GLIS3: variants seen among roughly 807,000 people sequenced by gnomAD.
GLIS3 encodes GLIS family zinc finger 3.
In GLIS3, 53 loss-of-function variants were observed where a neutral mutation model predicts 78.6. The ratio of observed to expected loss-of-function variants is 0.67; its 90% CI spans 0.54 to 0.85. The LOEUF (loss-of-function observed/expected upper bound fraction) is 0.85. Ranked by LOEUF, GLIS3 falls within the 40% of genes least tolerant of loss-of-function variation. The pLI is 0.00. For synonymous variants in GLIS3, 684 were observed against 509.9 expected (o/e 1.34, Z -4.60); for missense variants, 1,703 against 1,231.1 (o/e 1.38, Z -5.74).
intron 2 of GLIS3, among the ~76,000 whole-genome samples, chr9:4,242,125 G>C (rs1446522021): frequency 2.0e-5 from 3 of 152,150 alleles, no homozygotes; most frequent in Admixed American, 1.3e-4. Flanking sequence ...AGGAGTCTGA[G>C]CAATAAGGGA....
intron 2 of GLIS3, among the ~76,000 whole-genome samples, chr9:4,233,094 C>T (rs981266815): frequency 2.0e-5 from 3 of 152,168 alleles, no homozygotes; most frequent in African/African-American, 2.4e-5. Flanking sequence ...TTGATACCAA[C>T]GATACAAATA....
At chr9:4,140,853 C>T (rs1311830838) in intron 2 of GLIS3, among the ~76,000 whole-genome samples, 1 of 149,682 alleles carries the variant, frequency 6.7e-6, no homozygotes, top group Non-Finnish European at 1.5e-5. Flanking sequence ...GATTGGAGTG[C>T]AGTGGCACAA....
At chr9:4,244,269 T>C (rs916285244) in intron 2 of GLIS3, among the ~76,000 whole-genome samples, 6 of 152,206 alleles carry the variant, frequency 3.9e-5, no homozygotes, top group Non-Finnish European at 5.9e-5. Flanking sequence ...GCACAGTAAA[T>C]ACACTTGGCT....
At chr9:3,983,942 T>C (rs891740160) in intron 4 of GLIS3, among the ~76,000 whole-genome samples, 17 of 151,994 alleles carry the variant, frequency 1.1e-4, no homozygotes, top group Admixed American at 1.1e-3. Flanking sequence ...TAATGAAGAG[T>C]CAAATGTTAA....
chr9:4,465,690 C>T, the GLIS3 span, among the ~76,000 whole-genome samples: 1 of 152,192 alleles, frequency 6.6e-6, no homozygotes, highest in East Asian at 1.9e-4. Flanking sequence ...TGTATCAAAA[C>T]ATCTTATGTA....
chr9:4,319,555 G>C (rs900973365), intron 2 of GLIS3, among the ~76,000 whole-genome samples: 5 of 151,742 alleles, frequency 3.3e-5, no homozygotes, highest in Non-Finnish European at 7.4e-5. Flanking sequence ...CTAGAAACAG[G>C]TTCTTCCTCT....
In GLIS3 at chr9:3,901,563, A is replaced by G. The variant is rs144399819; in HGVS notation, c.1984-2728T>C. Among the ~76,000 whole-genome samples the G allele has an allele frequency of 4.9e-3, 744 of 152,358 alleles. 3 individuals are homozygous for G. The highest frequency in any genetic ancestry group is 0.017 in the African/African-American group (710 of 41,582). On this transcript the variant is annotated intron_variant, in intron 6 of 10. Coordinates refer to ENST00000381971, the MANE Select transcript of GLIS3 (RefSeq NM_001042413.2). ...ATCAGAAAGAAAGACAAACACACACATACAACAGTAAGTTACTGTTTAGAG... is the reference window on the plus strand; with the variant it reads ...ATCAGAAAGAAAGACAAACACACACGTACAACAGTAAGTTACTGTTTAGAG...
chr9:3,908,712 T>TTTG (rs1823904574), intron 6 of GLIS3, among the ~76,000 whole-genome samples: 1 of 103,790 alleles, frequency 9.6e-6, no homozygotes, highest in Non-Finnish European at 2.2e-5. Context: ...ATTTGTTTTT[T>TTTG]TTTTTTTTTT....
chr9:4,188,511 A>C (rs1324697449), intron 2 of GLIS3, among the ~76,000 whole-genome samples: 2 of 150,766 alleles, frequency 1.3e-5, no homozygotes, highest in Non-Finnish European at 1.5e-5. Context: ...CTGGCCTCAT[A>C]AAATGAGTCA....
At chr9:4,405,347 T>A in the GLIS3 span, among the ~76,000 whole-genome samples, 1 of 135,036 alleles carries the variant, frequency 7.4e-6, no homozygotes. Context: ...AGAGCGAAAC[T>A]CCATCTTAAA....
chr9:4,466,579 T>C, the GLIS3 span, among the ~76,000 whole-genome samples: 1 of 152,208 alleles, frequency 6.6e-6, no homozygotes, highest in East Asian at 1.9e-4. Context: ...ATATAAAGGA[T>C]AATACATCAT....
At chr9:4,303,861 C>G (rs181742002), upstream of GLIS3, among the ~76,000 whole-genome samples, 2 of 152,320 alleles carry the variant, frequency 1.3e-5, no homozygotes, top group African/African-American at 4.8e-5. Flanking sequence ...TAGATAAATA[C>G]AATATTCCGC....
At chr9:4,167,159 G>A (rs111754819) in intron 2 of GLIS3, among the ~76,000 whole-genome samples, 1 of 152,140 alleles carries the variant, frequency 6.6e-6, no homozygotes, top group African/African-American at 2.4e-5. Flanking sequence ...ATCCAAAGAG[G>A]ATAAGGGAGT....
At chr9:4,174,415 C>T (rs1421801880) in intron 2 of GLIS3, among the ~76,000 whole-genome samples, 1 of 151,894 alleles carries the variant, frequency 6.6e-6, no homozygotes, top group African/African-American at 2.4e-5. Context: ...ATGTGGTATA[C>T]AAAAAAATAT....
At chr9:4,071,118 A>G (rs1431556793) in intron 4 of GLIS3, 1 of 152,226 alleles carries the variant, frequency 6.6e-6, no homozygotes, top group Non-Finnish European at 1.5e-5. Context: ...AGGAATTAGC[A>G]ATTATCACAA....
At chr9:4,295,993 C>G (rs1816462991) in intron 1 of GLIS3, among the ~76,000 whole-genome samples, 1 of 151,920 alleles carries the variant, frequency 6.6e-6, no homozygotes, top group South Asian at 2.1e-4. Flanking sequence ...GTCTATGAAC[C>G]AACCAAACTT....
At chr9:4,374,734 T>TTA in the GLIS3 span, among the ~76,000 whole-genome samples, 5,283 of 152,334 alleles carry the variant, frequency 0.035, 334 homozygotes, top group African/African-American at 0.12. Flanking sequence ...TAAAGCAGGC[T>TTA]TATAATAAAA....
At chr9:4,087,073 A>G (rs1829093965) in intron 4 of GLIS3, among the ~76,000 whole-genome samples, 2 of 152,226 alleles carry the variant, frequency 1.3e-5, no homozygotes, top group Admixed American at 6.5e-5. Flanking sequence ...AAACATGGCA[A>G]AGTCTGAAAT....
intron 4 of GLIS3, among the ~76,000 whole-genome samples, chr9:4,039,053 A>T (rs1208485837): frequency 6.6e-6 from 1 of 152,166 alleles, no homozygotes; most frequent in Non-Finnish European, 1.5e-5. Context: ...AGGAGGGAGA[A>T]TAAAAAAGGA....
Sources: gnomAD v4.1 joint callset for allele counts (sites outside exome capture counted in the v4.1 genomes callset) on GRCh38, gnomAD v4.1.1 for gene constraint, MANE v1.5 for transcripts, NCBI Gene and HGNC (gene_info 2026-07-23, HGNC 2026-07-21) for gene names.